The following XKR6 variants were observed in gnomAD, a reference collection of about 807,000 sequenced individuals.
XKR6 encodes XK-related protein 6.
In XKR6, 22 loss-of-function variants were observed where a neutral mutation model predicts 56.7. The ratio of observed to expected loss-of-function variants is 0.39; its 90% CI spans 0.28 to 0.55. The LOEUF is 0.55. Ranked by LOEUF, XKR6 falls within the 20% of genes least tolerant of loss-of-function variation. XKR6 has a pLI of 0.66. For synonymous variants in XKR6, 524 were observed against 387.8 expected (o/e 1.35, Z -4.13); for missense variants, 852 against 889.0 (o/e 0.96, Z 0.53).
At chr8:11,196,711 G>A (rs748288943) in intron 1 of XKR6, among the ~76,000 whole-genome samples, 5 of 152,236 alleles carry the variant, frequency 3.3e-5, no homozygotes, top group Non-Finnish European at 7.3e-5. Context: ...ATCACTTGTG[G>A]TTCTTCTAAA....
At chr8:10,954,601 T>G (rs1169507034) in intron 1 of XKR6, among the ~76,000 whole-genome samples, 10 of 152,222 alleles carry the variant, frequency 6.6e-5, no homozygotes, top group Non-Finnish European at 1.5e-4. Flanking sequence ...TCTCATTCTA[T>G]GGGTTGTCTT....
intron 1 of XKR6, among the ~76,000 whole-genome samples, chr8:10,962,380 G>T (rs1293292118): frequency 6.6e-6 from 1 of 152,198 alleles, no homozygotes; most frequent in Non-Finnish European, 1.5e-5. Flanking sequence ...TGGGAGTCAG[G>T]CTGCAGTGAA....
At chr8:11,058,812 C>A (rs772844054) in intron 1 of XKR6, among the ~76,000 whole-genome samples, 1 of 152,106 alleles carries the variant, frequency 6.6e-6, no homozygotes, top group Non-Finnish European at 1.5e-5. Flanking sequence ...ATGTAACAAA[C>A]CTGCATGTTC....
chr8:11,112,185 C>T (rs896833906), intron 1 of XKR6, among the ~76,000 whole-genome samples: 2 of 152,164 alleles, frequency 1.3e-5, no homozygotes, highest in South Asian at 4.1e-4. Context: ...GGCATTAGTT[C>T]TGTCTTTATT....
At chr8:11,047,997 A>G (rs1799451301) in intron 1 of XKR6, among the ~76,000 whole-genome samples, 1 of 152,118 alleles carries the variant, frequency 6.6e-6, no homozygotes, top group Non-Finnish European at 1.5e-5. Context: ...AAACACAGAC[A>G]TGTCAGCCTC....
chr8:11,080,688 T>C (rs1278992984), intron 1 of XKR6, among the ~76,000 whole-genome samples: 2 of 152,154 alleles, frequency 1.3e-5, no homozygotes, highest in Non-Finnish European at 2.9e-5. Flanking sequence ...CGCTAGGAAA[T>C]AATTCGGAGG....
chr8:10,920,299 T>C (rs905148114), intron 2 of XKR6, among the ~76,000 whole-genome samples: 8 of 152,312 alleles, frequency 5.3e-5, no homozygotes, highest in Admixed American at 3.9e-4. Flanking sequence ...AACAGCCAGA[T>C]ATCTTACAAG....
chr8:11,060,883 G>A (rs11985603), intron 1 of XKR6, among the ~76,000 whole-genome samples: 89,634 of 152,102 alleles, frequency 0.59, 28,067 homozygotes, highest in African/African-American at 0.77. Context: ...TACCTCTTTT[G>A]ATCCTGATAC....
intron 1 of XKR6, among the ~76,000 whole-genome samples, chr8:10,960,881 G>A (rs77590109): frequency 0.14 from 20,915 of 152,148 alleles, 1,605 homozygotes; most frequent in African/African-American, 0.19. Flanking sequence ...GACTGAGAGA[G>A]TTAAAAGTCA....
At chr8:11,098,624 C>T (rs138394151) in intron 1 of XKR6, among the ~76,000 whole-genome samples, 5 of 152,234 alleles carry the variant, frequency 3.3e-5, no homozygotes, top group East Asian at 1.9e-4. Context: ...GTTCCTGTTT[C>T]CAATTAAATA....
At chr8:10,900,823 G>C (rs1307544783) in intron 2 of XKR6, among the ~76,000 whole-genome samples, 1 of 146,748 alleles carries the variant, frequency 6.8e-6, no homozygotes, top group East Asian at 2.0e-4. Flanking sequence ...GATGTAGGTT[G>C]CAGATTTCTG....
chr8:10,974,617 G>A (rs1262838107), intron 1 of XKR6, among the ~76,000 whole-genome samples: 2 of 152,182 alleles, frequency 1.3e-5, no homozygotes, highest in African/African-American at 4.8e-5. Flanking sequence ...ACAGTGAGAG[G>A]CTGGGTTAAC....
intron 2 of XKR6, among the ~76,000 whole-genome samples, chr8:10,922,410 C>G (rs1800748914): frequency 6.6e-6 from 1 of 152,222 alleles, no homozygotes; most frequent in Admixed American, 6.5e-5. Context: ...TGCCAGTCGG[C>G]AGCACATCCT....
chr8:11,040,359 T>TAAA (rs143219123), intron 1 of XKR6, among the ~76,000 whole-genome samples: 1 of 107,326 alleles, frequency 9.3e-6, no homozygotes, highest in African/African-American at 3.3e-5. Flanking sequence ...TCATGTCTGC[T>TAAA]AAAAAAAAAA....
chr8:10,963,135 C>G (rs1047095913), intron 1 of XKR6, among the ~76,000 whole-genome samples: 4 of 152,226 alleles, frequency 2.6e-5, no homozygotes, highest in African/African-American at 9.6e-5. Context: ...GCAGCCAGTT[C>G]AGAGTCCAAG....
chr8:11,070,440 T>G (rs913778215), intron 1 of XKR6, among the ~76,000 whole-genome samples: 1 of 152,182 alleles, frequency 6.6e-6, no homozygotes, highest in Non-Finnish European at 1.5e-5. Context: ...GACCTATTTT[T>G]GGGTAGGAGG....
At chr8:10,990,501 GC>G (rs1176391174) in intron 1 of XKR6, among the ~76,000 whole-genome samples, 1 of 152,218 alleles carries the variant, frequency 6.6e-6, no homozygotes, top group Non-Finnish European at 1.5e-5. Context: ...GCCTGTTCTG[GC>G]CCTGGTGGGA....
chr8:11,190,398 G>T (rs886199553), intron 1 of XKR6, among the ~76,000 whole-genome samples: 55 of 152,112 alleles, frequency 3.6e-4, no homozygotes, highest in African/African-American at 1.3e-3. Context: ...TATTTACATG[G>T]GACCTGTGGG....
At chr8:11,182,846 C>G (rs892043924) in intron 1 of XKR6, among the ~76,000 whole-genome samples, 4 of 152,192 alleles carry the variant, frequency 2.6e-5, no homozygotes, top group African/African-American at 9.7e-5. Context: ...AACTGGAACT[C>G]TGTGCCATAT....
Sources: gnomAD v4.1 joint callset for allele counts (sites outside exome capture counted in the v4.1 genomes callset) on GRCh38, gnomAD v4.1.1 for gene constraint, MANE v1.5 for transcripts, NCBI Gene and HGNC (gene_info 2026-07-23, HGNC 2026-07-21) for gene names.